Variants in TMEM178B observed in about 807,000 individuals in gnomAD.
TMEM178B encodes the protein transmembrane protein 178B.
TMEM178B carries 5 observed loss-of-function variants against 31.0 expected under a neutral mutation model. The ratio of observed to expected loss-of-function variants is 0.16; its 90% CI spans 0.08 to 0.34. TMEM178B has a LOEUF of 0.34. TMEM178B is among the 10% of genes least tolerant of loss of function. TMEM178B has a pLI of 1.00. For missense variants in TMEM178B, 275 were observed against 400.3 expected (o/e 0.69, Z 2.67); for synonymous variants, 164 against 164.0 (o/e 1.00, Z 0.00).
rs1020703651 is a variant in TMEM178B, at chr7:141,476,523, G to C, written c.*5737G>C. 6.6e-6 allele frequency: 1 copy of C among 152,110 alleles called. No homozygotes were observed. Among genetic ancestry groups the C allele is most frequent in the Non-Finnish European group, 1.5e-5 (1 of 68,014 alleles). The allele number at this position is 152,110 out of a possible 1,614,324, so 9.4% of individuals were successfully genotyped here. ...GGTGGAAGCAAATCAGATTCTGAAA[G>C]GTTTCAATGATCTTTCAAGTTTAGG... On this transcript the variant is annotated 3_prime_UTR_variant, in exon 4 of 4. Coordinates refer to ENST00000565468, the MANE Select transcript of TMEM178B (RefSeq NM_001195278.2).
At chr7:141,328,006 T>C (rs945652799) in intron 2 of TMEM178B, among the ~76,000 whole-genome samples, 16 of 152,140 alleles carry the variant, frequency 1.1e-4, no homozygotes, top group Non-Finnish European at 1.9e-4. Context: ...ACTGGGAGTA[T>C]TTAGCCAGCT....
chr7:141,485,510 A>G, the TMEM178B span, among the ~76,000 whole-genome samples: 1 of 152,218 alleles, frequency 6.6e-6, no homozygotes, highest in Non-Finnish European at 1.5e-5. Context: ...TGCTTAAAAC[A>G]CTGCTTAGCA....
chr7:141,127,072 G>A (rs913384721), intron 1 of TMEM178B, among the ~76,000 whole-genome samples: 9 of 152,106 alleles, frequency 5.9e-5, no homozygotes, highest in African/African-American at 2.2e-4. Context: ...CCTTGCAGGT[G>A]AGAGGTGGAC....
intron 2 of TMEM178B, among the ~76,000 whole-genome samples, chr7:141,291,811 T>C (rs1217877868): frequency 6.6e-6 from 1 of 152,242 alleles, no homozygotes; most frequent in Non-Finnish European, 1.5e-5. Context: ...ACAGTCTTGT[T>C]GAGACCATCA....
rs145923794 is a variant in TMEM178B, at chr7:141,420,129, C to T, written c.497-17479C>T. Among the ~76,000 whole-genome samples the T allele has an allele frequency of 5.5e-4, 84 of 152,234 alleles. No individual in the cohort carries two copies. In the South Asian group the frequency reaches 0.011, roughly 19 times the overall value. On this transcript the variant is annotated intron_variant, in intron 2 of 3. Transcript: ENST00000565468. ...CATATGTTAAATAGCAACTCTCCTACATCTACTTCATTACAGCTCATCCCC... is the reference window on the plus strand; with the variant it reads ...CATATGTTAAATAGCAACTCTCCTATATCTACTTCATTACAGCTCATCCCC...
chr7:141,297,659 A>G (rs1260375671), intron 2 of TMEM178B, among the ~76,000 whole-genome samples: 4 of 152,170 alleles, frequency 2.6e-5, no homozygotes, highest in African/African-American at 9.7e-5. Context: ...TTCCAGCTTC[A>G]TCCATGTCCC....
At chr7:141,395,862 A>G (rs937389390) in intron 2 of TMEM178B, among the ~76,000 whole-genome samples, 1 of 152,180 alleles carries the variant, frequency 6.6e-6, no homozygotes, top group African/African-American at 2.4e-5. Flanking sequence ...GAAATACCAC[A>G]TATAATAAAC....
chr7:141,434,378 C>T (rs1443955192), intron 2 of TMEM178B, among the ~76,000 whole-genome samples: 1 of 152,170 alleles, frequency 6.6e-6, no homozygotes, highest in Admixed American at 6.5e-5. Flanking sequence ...CAAAGTTGTC[C>T]TGTCTAGTGC....
intron 1 of TMEM178B, among the ~76,000 whole-genome samples, chr7:141,192,345 T>A (rs1008899588): frequency 6.6e-6 from 1 of 151,750 alleles, no homozygotes; most frequent in Non-Finnish European, 1.5e-5. Flanking sequence ...GAGGGGGAGA[T>A]AGGCCATGTA....
intron 2 of TMEM178B, among the ~76,000 whole-genome samples, chr7:141,250,003 T>C (rs1797803611): frequency 1.3e-5 from 2 of 152,184 alleles, no homozygotes; most frequent in African/African-American, 4.8e-5. Context: ...GAATTCTTTT[T>C]AAAGAAATAA....
At position 141,364,143 on chromosome 7, in the gene TMEM178B, A is replaced by G. The variant is rs141800428; in HGVS notation, c.497-73465A>G. 3.1e-3 allele frequency among the ~76,000 whole-genome samples: 472 copies of G among 152,294 alleles called. 4 individuals carry two copies. Among genetic ancestry groups the G allele is most frequent in the African/African-American group, 0.011 (442 of 41,578 alleles). On this transcript the variant is annotated intron_variant, in intron 2 of 3. Coordinates refer to ENST00000565468, the MANE Select transcript of TMEM178B (RefSeq NM_001195278.2). ...TAATAGATTTATGTGTTTTCTGCCT[A>G]CAACAAAAAATGTGGCCTCTTTTCA...
chr7:141,146,318 A>G (rs754320156), intron 1 of TMEM178B, among the ~76,000 whole-genome samples: 7 of 152,196 alleles, frequency 4.6e-5, no homozygotes, highest in Non-Finnish European at 1.0e-4. Flanking sequence ...TCCTGGAGGA[A>G]GAAGACATCC....
chr7:141,447,721 C>T (rs1586966908), intron 3 of TMEM178B, among the ~76,000 whole-genome samples: 1 of 152,094 alleles, frequency 6.6e-6, no homozygotes, highest in Non-Finnish European at 1.5e-5. Flanking sequence ...TGGAGAAGCC[C>T]GAGCAGGGTT....
At chr7:141,210,291 C>G (rs1433286438) in intron 1 of TMEM178B, among the ~76,000 whole-genome samples, 1 of 152,008 alleles carries the variant, frequency 6.6e-6, no homozygotes, top group Non-Finnish European at 1.5e-5. Flanking sequence ...ACGGAGAAAC[C>G]CCATCTCTAC....
intron 1 of TMEM178B, among the ~76,000 whole-genome samples, chr7:141,145,317 C>T (rs1414977998): frequency 6.6e-6 from 1 of 152,216 alleles, no homozygotes; most frequent in African/African-American, 2.4e-5. Context: ...GAACTGCTCT[C>T]TTTGGCCTCA....
intron 2 of TMEM178B, among the ~76,000 whole-genome samples, chr7:141,253,960 T>C (rs1309045201): frequency 1.3e-5 from 2 of 152,200 alleles, no homozygotes; most frequent in Non-Finnish European, 2.9e-5. Flanking sequence ...GGCAAAGCTA[T>C]ACATCTTTTG....
intron 2 of TMEM178B, among the ~76,000 whole-genome samples, chr7:141,246,864 A>G (rs1200748656): frequency 1.3e-5 from 2 of 152,266 alleles, no homozygotes; most frequent in Non-Finnish European, 2.9e-5. Context: ...ATAAGGGAGC[A>G]TGTCCAGCCA....
At chr7:141,109,172 A>G (rs993314649) in intron 1 of TMEM178B, among the ~76,000 whole-genome samples, 2 of 152,194 alleles carry the variant, frequency 1.3e-5, no homozygotes, top group African/African-American at 4.8e-5. Flanking sequence ...ACACAGAGCC[A>G]AACCATATCA....
intron 3 of TMEM178B, among the ~76,000 whole-genome samples, chr7:141,468,649 G>A (rs1802186786): frequency 6.6e-6 from 1 of 152,202 alleles, no homozygotes; most frequent in Admixed American, 6.5e-5. Context: ...ATTTAGTGAG[G>A]CAGTGTCACT....
Sources: allele counts gnomAD v4.1 joint callset (sites outside exome capture counted in the v4.1 genomes callset), GRCh38; gene constraint gnomAD v4.1.1; transcripts MANE v1.5; gene names NCBI Gene and HGNC (gene_info 2026-07-23, HGNC 2026-07-21).